XYLT1: variants seen among roughly 807,000 people sequenced by gnomAD.
XYLT1 encodes xylosyltransferase 1.
Under a neutral mutation model 91.3 loss-of-function variants are expected in XYLT1, and 36 were observed. The ratio of observed to expected loss-of-function variants is 0.39; its 90% CI spans 0.30 to 0.52. The LOEUF is 0.52. Ranked by LOEUF, XYLT1 falls within the 20% of genes least tolerant of loss-of-function variation. XYLT1 has a pLI of 0.68. For missense variants in XYLT1, 1,242 were observed against 1,284.5 expected (o/e 0.97, Z 0.51); for synonymous variants, 588 against 532.0 (o/e 1.11, Z -1.45).
intron 3 of XYLT1, among the ~76,000 whole-genome samples, chr16:17,234,274 C>T (rs912116624): frequency 2.0e-5 from 3 of 152,186 alleles, no homozygotes; most frequent in African/African-American, 4.8e-5. Context: ...ATCACCACTT[C>T]CAACTCTAGA....
At chr16:17,466,210 G>A (rs2036894813) in intron 1 of XYLT1, among the ~76,000 whole-genome samples, 1 of 152,170 alleles carries the variant, frequency 6.6e-6, no homozygotes, top group Non-Finnish European at 1.5e-5. Context: ...GAAAAGGAAA[G>A]AGAGAGATCA....
At chr16:17,277,626 G>A (rs1458613120) in intron 2 of XYLT1, among the ~76,000 whole-genome samples, 3 of 152,250 alleles carry the variant, frequency 2.0e-5, no homozygotes, top group East Asian at 1.9e-4. Context: ...CTGACCTCCT[G>A]TGATCCACCT....
At chr16:17,245,557 T>C (rs1280260902) in intron 3 of XYLT1, among the ~76,000 whole-genome samples, 2 of 152,238 alleles carry the variant, frequency 1.3e-5, no homozygotes, top group Non-Finnish European at 2.9e-5. Context: ...TTTCCGTGTT[T>C]ATCTCCTGTT....
In XYLT1 at chr16:17,259,283, A is replaced by G; in HGVS notation, c.618T>C (p.His206=). 1 of 1,613,912 alleles carries G rather than the reference A, an allele frequency of 6.2e-7. No homozygotes were observed. The highest frequency in any genetic ancestry group is 8.5e-7 in the Non-Finnish European group (1 of 1,179,984). The change falls in exon 3 of 12, where the codon CAT becomes CAC. Residue 206 remains histidine, a synonymous_variant. Transcript: ENST00000261381. ...CACCGGGGCCTTTCCCAGGGAATGTATGTCCTTTTCCTTTCTCCTGCTGTT... is the reference window on the plus strand; with the variant it reads ...CACCGGGGCCTTTCCCAGGGAATGTGTGTCCTTTTCCTTTCTCCTGCTGTT... The part of the protein sequence containing the change: ...KLEQQEKGKG[H]TFPGKGPGEV...
Position 17,117,691 on chromosome 16 carries a change from G to A in XYLT1, c.2512C>T (p.Leu838Phe). 1.9e-6 allele frequency: 3 copies of A among 1,614,118 alleles called. No homozygotes were observed. Among genetic ancestry groups the A allele is most frequent in the Non-Finnish European group, 1.7e-6 (2 of 1,179,958 alleles). The change falls in exon 11 of 12, where the codon CTC becomes TTC. Residue 838 changes from leucine (L) to phenylalanine (F), a missense_variant. By Grantham distance (22) the Leu-to-Phe change is conservative (BLOSUM62 0). Transcript: ENST00000261381. ...TTCGAGAAGGTCAGAGGCGCAACGA[G>A]GAATTTGGTCTCTGCAACTGGCACC... ...HWVPVAETKFLVAPLTFSNRQ... is the reference protein window; with the variant it reads ...HWVPVAETKFFVAPLTFSNRQ...
At chr16:17,313,210 GC>G (rs2034576860) in intron 2 of XYLT1, among the ~76,000 whole-genome samples, 2 of 152,336 alleles carry the variant, frequency 1.3e-5, no homozygotes, top group Non-Finnish European at 2.9e-5. Flanking sequence ...CTCAGCCCCT[GC>G]CCCTGGAGCC....
chr16:17,203,339 C>T (rs902571573), intron 3 of XYLT1, among the ~76,000 whole-genome samples: 1 of 152,092 alleles, frequency 6.6e-6, no homozygotes, highest in South Asian at 2.1e-4. Flanking sequence ...TCTTTTCATC[C>T]ATCCATCTAT....
intron 1 of XYLT1, among the ~76,000 whole-genome samples, chr16:17,448,679 G>A (rs1162030268): frequency 7.0e-6 from 1 of 142,868 alleles, no homozygotes; most frequent in Admixed American, 7.0e-5. Flanking sequence ...TGAGGGTGAG[G>A]GGAGGTGGAG....
intron 2 of XYLT1, among the ~76,000 whole-genome samples, chr16:17,357,391 G>C (rs115436242): frequency 6.6e-6 from 1 of 151,984 alleles, no homozygotes; most frequent in Admixed American, 6.6e-5. Context: ...AATTCCACCT[G>C]GCTCTGTTGA....
rs550572067 is a variant in XYLT1, at chr16:17,275,168, C to A, written c.403-15670G>T. 3.4e-3 allele frequency among the ~76,000 whole-genome samples: 518 copies of A among 152,210 alleles called. 5 individuals carry two copies. The highest frequency in any genetic ancestry group is 0.012 in the African/African-American group (497 of 41,520). On this transcript the variant is annotated intron_variant, in intron 2 of 11. Transcript: ENST00000261381. ...CTCCAGCCTGAGCAACAGAGGGAGA[C>A]TCCATCTCAAAAATAAACAAACACA...
intron 2 of XYLT1, among the ~76,000 whole-genome samples, chr16:17,270,013 C>T (rs762209312): frequency 5.9e-5 from 9 of 152,028 alleles, no homozygotes; most frequent in Non-Finnish European, 1.2e-4. Context: ...TGGGATTTCA[C>T]CATGTTGGTC....
At position 17,138,529 on chromosome 16, in the gene XYLT1, G is replaced by A. The variant is rs754108822; in HGVS notation, c.1590C>T (p.Ser530=). 3.6e-5 allele frequency: 58 copies of A among 1,611,878 alleles called. No individual in the cohort carries two copies. The highest frequency in any genetic ancestry group is 4.8e-5 in the Non-Finnish European group (57 of 1,179,202). ...FYSYTLLPAE[S]FFHTVLENSP... is the part of the protein sequence containing the mutation. ...TGTTCTCCAGGACCGTATGGAAGAA[G>A]GACTGCAGGGGAGAGAGGGACCCAG... The change falls in exon 8 of 12, where the codon TCC becomes TCT. Residue 530 remains serine, a splice_region_variant and synonymous_variant. Coordinates refer to ENST00000261381, the MANE Select transcript of XYLT1 (RefSeq NM_022166.4).
intron 1 of XYLT1, among the ~76,000 whole-genome samples, chr16:17,389,643 G>T (rs910939758): frequency 1.3e-5 from 2 of 152,178 alleles, no homozygotes; most frequent in Non-Finnish European, 2.9e-5. Context: ...AGCAAGACAG[G>T]TCTTCAGCCT....
intron 1 of XYLT1, among the ~76,000 whole-genome samples, chr16:17,393,129 A>T (rs1401680671): frequency 6.6e-6 from 1 of 152,046 alleles, no homozygotes; most frequent in Non-Finnish European, 1.5e-5. Context: ...AGCGACTTTC[A>T]TCCCTTTTTC....
At chr16:17,416,272 C>T (rs1014064968) in intron 1 of XYLT1, among the ~76,000 whole-genome samples, 3 of 152,228 alleles carry the variant, frequency 2.0e-5, no homozygotes, top group Admixed American at 6.5e-5. Context: ...GACTCCACGG[C>T]GATGCTATTT....
At chr16:17,244,096 T>A (rs74010558) in intron 3 of XYLT1, among the ~76,000 whole-genome samples, 7 of 152,158 alleles carry the variant, frequency 4.6e-5, no homozygotes, top group African/African-American at 1.7e-4. Flanking sequence ...AGGGGCTCAG[T>A]AGCATTGGTT....
At chr16:17,126,133 C>T (rs1420306792) in intron 10 of XYLT1, among the ~76,000 whole-genome samples, 3 of 152,174 alleles carry the variant, frequency 2.0e-5, no homozygotes, top group African/African-American at 4.8e-5. Context: ...CTCTCTGCAT[C>T]ACATGCTGTT....
intron 1 of XYLT1, among the ~76,000 whole-genome samples, chr16:17,433,675 C>T (rs144731396): frequency 2.6e-5 from 4 of 152,280 alleles, no homozygotes; most frequent in African/African-American, 7.2e-5. Flanking sequence ...GAAGGAACCC[C>T]GCCGAGGAGG....
intron 2 of XYLT1, chr16:17,338,587 T>C (rs2035021572): frequency 2.2e-6 from 1 of 445,274 alleles, no homozygotes. Flanking sequence ...TGGTCTTTCG[T>C]GTCCCCTTAT....
Sources: allele counts gnomAD v4.1 joint callset (sites outside exome capture counted in the v4.1 genomes callset), GRCh38; gene constraint gnomAD v4.1.1; transcripts MANE v1.5; gene names NCBI Gene and HGNC (gene_info 2026-07-23, HGNC 2026-07-21).